Variants in SLC9A4 observed in about 807,000 individuals in gnomAD.
The protein encoded by SLC9A4 is solute carrier family 9 member A4.
In SLC9A4, 63 loss-of-function variants were observed where a neutral mutation model predicts 67.4. That is an observed-to-expected ratio of 0.93 (90% confidence interval 0.76 to 1.15). The LOEUF is 1.15. SLC9A4 is among the 50% of genes most tolerant of loss of function. The probability of loss-of-function intolerance (pLI) is 0.00; values close to 1 mark genes in which losing one functional copy is unlikely to be tolerated. For missense variants in SLC9A4, 1,089 were observed against 987.7 expected, an observed-to-expected ratio of 1.10 and a Z score of -1.38; for synonymous variants, 393 against 367.2, an observed-to-expected ratio of 1.07 and a Z score of -0.80.
chr2:102,497,084 C>T (rs1330506609), intron 2 of SLC9A4, among the ~76,000 whole-genome samples: 3 of 152,190 alleles, frequency 2.0e-5, no homozygotes, highest in Non-Finnish European at 4.4e-5. Flanking sequence ...AGGCACATGC[C>T]ATCACACCCA....
chr2:102,506,753 C>T (rs999508152), intron 4 of SLC9A4, among the ~76,000 whole-genome samples: 2 of 151,928 alleles, frequency 1.3e-5, no homozygotes, highest in African/African-American at 2.4e-5. Flanking sequence ...GAGCTTTAGC[C>T]GAGCCAAAAA....
chr2:102,482,602 C>T (rs766593899), intron 2 of SLC9A4, among the ~76,000 whole-genome samples: 1 of 152,116 alleles, frequency 6.6e-6, no homozygotes, highest in Non-Finnish European at 1.5e-5. Context: ...TGTCCATTTC[C>T]TAGTTCATCT....
At chr2:102,479,385 TC>T in intron 2 of SLC9A4, 83 bp downstream of exon 2, 1 of 1,406,494 alleles carries the variant, frequency 7.1e-7, no homozygotes, top group South Asian at 1.4e-5. Context: ...TGGAGACGGC[TC>T]CAGTGTGGCT....
chr2:102,517,238 G>A (rs1384283144), intron 8 of SLC9A4, among the ~76,000 whole-genome samples: 2 of 152,138 alleles, frequency 1.3e-5, no homozygotes, highest in African/African-American at 4.8e-5. Context: ...GGGTTCCACT[G>A]TGTGCACCGC....
At chr2:102,522,226 G>C (rs1012050968) in intron 9 of SLC9A4, among the ~76,000 whole-genome samples, 3 of 152,134 alleles carry the variant, frequency 2.0e-5, no homozygotes, top group African/African-American at 7.2e-5. Context: ...ATCACTCTCA[G>C]AATTTCTACA....
chr2:102,519,002 A>AT (rs1362676888), intron 8 of SLC9A4, among the ~76,000 whole-genome samples: 1 of 152,194 alleles, frequency 6.6e-6, no homozygotes, highest in Non-Finnish European at 1.5e-5. Flanking sequence ...TATTCATGTA[A>AT]TACAAAGTTT....
Position 102,500,324 on chromosome 2 carries a change from G to T in SLC9A4, c.721-3124G>T, listed in dbSNP as rs772633498. Among the ~76,000 whole-genome samples, 3 of 152,142 alleles carry T rather than the reference G, an allele frequency of 2.0e-5. No homozygotes were observed. In the South Asian group the frequency reaches 6.2e-4, roughly 31 times the overall value. ...CCCTCCCCTAACGCCTTCAGGGGGCGCGTAGCACTGCCGACATCTCGAGTC... is the reference window on the plus strand; with the variant it reads ...CCCTCCCCTAACGCCTTCAGGGGGCTCGTAGCACTGCCGACATCTCGAGTC... On this transcript the variant is annotated intron_variant, in intron 2 of 11. Transcript: ENST00000295269.
At chr2:102,482,763 C>A (rs567944968) in intron 2 of SLC9A4, among the ~76,000 whole-genome samples, 26 of 152,340 alleles carry the variant, frequency 1.7e-4, no homozygotes, top group Admixed American at 9.8e-4. Flanking sequence ...AATTATTCAA[C>A]CTCTCCTTCA....
rs967002320 is a variant in SLC9A4, at chr2:102,503,371, A to G, written c.721-77A>G. 5.2e-6 allele frequency: 7 copies of G among 1,338,854 alleles called. No homozygotes were observed. The Admixed American group carries it at 1.9e-4, about 37-fold the overall frequency. The allele number at this position is 1,338,854 out of a possible 1,614,324, so 82.9% of individuals were successfully genotyped here. ...TTTTGTGTATTACTTAACTAGACACAAAGCTGAGAATGTGCATGCAAAGTG... is the reference window on the plus strand; with the variant it reads ...TTTTGTGTATTACTTAACTAGACACGAAGCTGAGAATGTGCATGCAAAGTG... On this transcript the variant is annotated intron_variant, in intron 2 of 11. Coordinates refer to ENST00000295269, the MANE Select transcript of SLC9A4 (RefSeq NM_001011552.4).
chr2:102,520,334 T>G (rs1236358852), intron 9 of SLC9A4, among the ~76,000 whole-genome samples: 1 of 152,144 alleles, frequency 6.6e-6, no homozygotes, highest in Non-Finnish European at 1.5e-5. Context: ...TTGACTATAG[T>G]AAAGATGAGA....
intron 2 of SLC9A4, among the ~76,000 whole-genome samples, chr2:102,487,496 G>A (rs1028386939): frequency 2.0e-5 from 3 of 152,162 alleles, no homozygotes; most frequent in Non-Finnish European, 4.4e-5. Flanking sequence ...AGGGGTGTGG[G>A]CTAATCCTTG....
chr2:102,523,963 C>T (rs1447831401), intron 9 of SLC9A4, among the ~76,000 whole-genome samples: 1 of 152,194 alleles, frequency 6.6e-6, no homozygotes, highest in Non-Finnish European at 1.5e-5. Flanking sequence ...GTGCCTTTTG[C>T]CTGTACTCTA....
chr2:102,502,723 C>A (rs775093882), intron 2 of SLC9A4, among the ~76,000 whole-genome samples: 2 of 152,240 alleles, frequency 1.3e-5, no homozygotes, highest in East Asian at 3.8e-4. Context: ...AGTCAGCAAT[C>A]CCTGTGCCAG....
chr2:102,507,133 C>A (rs905399403), intron 4 of SLC9A4, among the ~76,000 whole-genome samples: 1 of 152,262 alleles, frequency 6.6e-6, no homozygotes, highest in East Asian at 1.9e-4. Context: ...AGTCTGAGGA[C>A]AGGAAATGGT....
intron 1 of SLC9A4, among the ~76,000 whole-genome samples, chr2:102,478,055 A>G (rs1312200146): frequency 6.6e-6 from 1 of 152,218 alleles, no homozygotes; most frequent in Non-Finnish European, 1.5e-5. Context: ...TTTACAATCC[A>G]GAAGATGCTT....
intron 2 of SLC9A4, among the ~76,000 whole-genome samples, chr2:102,500,515 C>G (rs1684908330): frequency 6.6e-6 from 1 of 152,064 alleles, no homozygotes; most frequent in South Asian, 2.1e-4. Context: ...AGCAGAGGGC[C>G]ACTGTGCAAC....
At chr2:102,505,178 C>A (rs1033366693) in intron 3 of SLC9A4, 76 bp from the exon 4 acceptor site, 20 of 1,323,422 alleles carry the variant, frequency 1.5e-5, no homozygotes, top group Non-Finnish European at 2.0e-5. Context: ...GCATCTGTGG[C>A]ATTGCCTGTG....
At position 102,478,870 on chromosome 2, in the gene SLC9A4, C is replaced by T. The variant is rs771093506; in HGVS notation, c.288C>T (p.Leu96=). ...ACCTCTACCACAGGCTGCCAGGCCT[C>T]ATGCCAGAAAGCTGCCTCCTCATCC... ...GFHLYHRLPG[L]MPESCLLILV... Residue 96 remains leucine, a synonymous_variant, in exon 2 of 12, where the codon CTC becomes CTT. Coordinates refer to ENST00000295269, the MANE Select transcript of SLC9A4 (RefSeq NM_001011552.4). 1 of 1,614,168 alleles carries T rather than the reference C, an allele frequency of 6.2e-7. No homozygotes were observed. The highest frequency in any genetic ancestry group is 2.2e-5 in the East Asian group (1 of 44,880).
In SLC9A4 at chr2:102,508,877, C is replaced by T; in HGVS notation, c.1432C>T (p.Leu478=). The part of the protein sequence containing the change: ...GITVGPLVRY[L]DVKKTNKKES... ...CACAGTTGGCCCTCTGGTCAGGTACCTGGATGTTAAAAAAACCAATAAAAA... is the reference window on the plus strand; with the variant it reads ...CACAGTTGGCCCTCTGGTCAGGTACTTGGATGTTAAAAAAACCAATAAAAA... The change falls in exon 6 of 12, where the codon CTG becomes TTG. Residue 478 remains leucine (L), a synonymous_variant. Coordinates refer to ENST00000295269, the MANE Select transcript of SLC9A4 (RefSeq NM_001011552.4). The T allele has an allele frequency of 1.2e-6, 2 of 1,613,140 alleles. No individual in the cohort carries two copies. Among genetic ancestry groups the T allele is most frequent in the South Asian group, 1.1e-5 (1 of 90,884 alleles).
Sources: gnomAD v4.1 joint callset for allele counts (sites outside exome capture counted in the v4.1 genomes callset) on GRCh38, gnomAD v4.1.1 for gene constraint, MANE v1.5 for transcripts, NCBI Gene and HGNC (gene_info 2026-07-23, HGNC 2026-07-21) for gene names.